SLC22A12: variants seen among roughly 807,000 people sequenced by gnomAD.
SLC22A12 encodes the protein organic anion transporter 4-like protein.
A neutral mutation model predicts 52.7 loss-of-function variants in SLC22A12; 56 were observed. The ratio of observed to expected loss-of-function variants is 1.06; its 90% CI spans 0.86 to 1.33. The LOEUF (loss-of-function observed/expected upper bound fraction) is 1.33, where lower values mean the gene tolerates loss of function less well. Among genes scored for constraint, SLC22A12 ranks in the 40% most tolerant of loss-of-function variants. The probability of loss-of-function intolerance (pLI) is 0.00; values close to 1 mark genes in which losing one functional copy is unlikely to be tolerated. For missense variants in SLC22A12, 683 were observed against 741.5 expected (o/e 0.92, Z 0.92); for synonymous variants, 337 against 324.6 (o/e 1.04, Z -0.41).
Position 64,591,232 on chromosome 11 carries a change from A to G in SLC22A12, c.-325A>G. Reference sequence around the variant, plus strand: ...ACACTTTAATTCCAGTCTAAAATTAAAGTCTTCAGTCTCCACATTCCCTAC... The same window carrying G: ...ACACTTTAATTCCAGTCTAAAATTAGAGTCTTCAGTCTCCACATTCCCTAC... On this transcript the variant is annotated 5_prime_UTR_variant, in exon 1 of 10. Transcript: ENST00000377574. The G allele has an allele frequency of 2.7e-6, 1 of 374,954 alleles. No homozygotes were observed. The highest frequency in any genetic ancestry group is 4.9e-6 in the Non-Finnish European group (1 of 204,832). The allele number at this position is 374,954 out of a possible 1,614,324, so 23.2% of individuals were successfully genotyped here. A position where few individuals can be genotyped will look rare whatever the true frequency, so the allele number is the denominator to read the frequency against.
chr11:64,591,311 T>C lies in SLC22A12; in HGVS notation c.-246T>C, dbSNP rs1286251923. Reference sequence around the variant, plus strand: ...TGGAGCAGCTGCCTCTCTGGGGAGATGCTGGAGGTCTCGGAATCACCTCAC... The same window carrying C: ...TGGAGCAGCTGCCTCTCTGGGGAGACGCTGGAGGTCTCGGAATCACCTCAC... On this transcript the variant is annotated 5_prime_UTR_variant, in exon 1 of 10. An upstream start codon of the reference 5' UTR is lost. Transcript: ENST00000377574. 1 of 569,938 alleles carries C rather than the reference T, an allele frequency of 1.8e-6. No individual in the cohort carries two copies. Among genetic ancestry groups the C allele is most frequent in the Non-Finnish European group, 3.1e-6 (1 of 321,296 alleles). 35.3% of individuals were successfully genotyped at this position (569,938 alleles called of 1,614,324 possible). A position where few individuals can be genotyped will look rare whatever the true frequency, so the allele number is the denominator to read the frequency against.
intron 4 of SLC22A12, among the ~76,000 whole-genome samples, chr11:64,594,606 T>C (rs143164439): frequency 2.0e-5 from 3 of 152,228 alleles, no homozygotes; most frequent in Non-Finnish European, 4.4e-5. Context: ...GATAGATGGA[T>C]TGGATTGTAT....
chr11:64,598,816 T>G lies in SLC22A12; in HGVS notation c.963T>G (p.Leu321=). The change falls in exon 6 of 10, where the codon CTT becomes CTG. Residue 321 remains leucine (L), a synonymous_variant. Coordinates refer to ENST00000377574, the MANE Select transcript of SLC22A12 (RefSeq NM_144585.4). The part of the protein sequence containing the change: ...VQDTLTPEVL[L]SAMREELSMG... Reference sequence around the variant, plus strand: ...CACCCCCGCCTCCACAGGTCTTGCTTTCAGCCATGCGGGAGGAGCTGAGCA... The same window carrying G: ...CACCCCCGCCTCCACAGGTCTTGCTGTCAGCCATGCGGGAGGAGCTGAGCA... The G allele has an allele frequency of 6.2e-7, 1 of 1,612,544 alleles. No individual in the cohort carries two copies. Among genetic ancestry groups the G allele is most frequent in the Non-Finnish European group, 8.5e-7 (1 of 1,179,964 alleles).
chr11:64,595,520 T>C (rs1400451230), intron 4 of SLC22A12, among the ~76,000 whole-genome samples: 2 of 18,858 alleles, frequency 1.1e-4, no homozygotes, highest in East Asian at 1.3e-3. Context: ...TTGGAATGAA[T>C]GGATGGATGG....
chr11:64,599,890 G>T lies in SLC22A12; in HGVS notation c.1285G>T (p.Glu429Ter). The change falls in exon 7 of 10, where the codon GAA becomes TAA. Residue 429 changes from glutamate to a stop codon, truncating the protein, a stop_gained and splice_region_variant. Coordinates refer to ENST00000377574, the MANE Select transcript of SLC22A12 (RefSeq NM_144585.4). LOFTEE classifies it high-confidence loss of function. ...TCTGGCCAACACGCTGGTGCCCCAC[G>T]GTGAGGGGGCAAAGCTGTACACCAG... ...CILANTLVPH[E>*]MGALRSALAV... 6.2e-7 allele frequency: 1 copy of T among 1,612,124 alleles called. No homozygotes were observed. The highest frequency in any genetic ancestry group is 2.2e-5 in the East Asian group (1 of 44,834).
chr11:64,596,474 C>A (rs912894231), intron 4 of SLC22A12, among the ~76,000 whole-genome samples: 6 of 152,100 alleles, frequency 3.9e-5, no homozygotes, highest in East Asian at 1.9e-4. Flanking sequence ...TGGACGGAGG[C>A]CATTTGAGGG....
Position 64,599,788 on chromosome 11 carries a change from G to A in SLC22A12, c.1183G>A (p.Gly395Ser), listed in dbSNP as rs781358659. ...IGVVDIPAKM[G>S]ALLLLSHLGR... ...TGTCGTGGACATCCCAGCCAAGATG[G>A]GCGCCCTGCTGCTGCTGAGCCACCT... The change falls in exon 7 of 10, where the codon GGC becomes AGC. Residue 395 changes from glycine to serine, a missense_variant. Gly to Ser is a moderately conservative substitution (Grantham distance 56). Coordinates refer to ENST00000377574, the MANE Select transcript of SLC22A12 (RefSeq NM_144585.4). 7.6e-5 allele frequency: 123 copies of A among 1,612,850 alleles called. 1 individual carries two copies. The South Asian group carries it at 1.1e-3, about 14-fold the overall frequency.
chr11:64,594,433 C>T (rs1383373909), intron 4 of SLC22A12, among the ~76,000 whole-genome samples: 1 of 152,134 alleles, frequency 6.6e-6, no homozygotes, highest in African/African-American at 2.4e-5. Context: ...ATAGTAGGTG[C>T]TAAATAAATA....
chr11:64,595,254 A>G (rs1453503791), intron 4 of SLC22A12, among the ~76,000 whole-genome samples: 5 of 28,732 alleles, frequency 1.7e-4, no homozygotes, highest in Admixed American at 4.3e-4. Flanking sequence ...GGATGGATGG[A>G]ATGGATGGAT....
intron 4 of SLC22A12, among the ~76,000 whole-genome samples, chr11:64,595,015 A>T (rs1404419721): frequency 1.0e-5 from 1 of 98,066 alleles, no homozygotes; most frequent in African/African-American, 3.5e-5. Context: ...GGATGGATGG[A>T]TGGATGGTTG....
intron 4 of SLC22A12, among the ~76,000 whole-genome samples, chr11:64,595,326 GATGGATGGTTGA>G: frequency 7.9e-6 from 1 of 127,244 alleles, no homozygotes; most frequent in African/African-American, 3.0e-5. Flanking sequence ...TGGATGGATG[GATGGATGGTTGA>G]ATGGATGGTT....
At chr11:64,601,017 C>A in intron 9 of SLC22A12, 79 bp downstream of exon 9, 1 of 1,546,770 alleles carries the variant, frequency 6.5e-7, no homozygotes, top group Non-Finnish European at 8.8e-7. Flanking sequence ...CACCCATCCC[C>A]ATCACTTGAC....
In SLC22A12 at chr11:64,592,781, G is replaced by T; in HGVS notation, c.405G>T (p.Trp135Cys). The T allele has an allele frequency of 6.2e-7, 1 of 1,613,234 alleles. No homozygotes were observed. The highest frequency in any genetic ancestry group is 1.1e-5 in the South Asian group (1 of 91,036). The change falls in exon 2 of 10, where the codon TGG (tryptophan) becomes TGT (cysteine). Residue 135 changes from tryptophan to cysteine, a missense_variant and splice_region_variant. Physicochemically the swap from Trp to Cys is radical, Grantham distance 215 (BLOSUM62 -2). Coordinates refer to ENST00000377574, the MANE Select transcript of SLC22A12 (RefSeq NM_144585.4). ...TCAGCCTCCTCCTCTCCCATCAGTGGAACCTCGTGTGTGACTCTCATGCTC... is the reference window on the plus strand; with the variant it reads ...TCAGCCTCCTCCTCTCCCATCAGTGTAACCTCGTGTGTGACTCTCATGCTC... ...SIFTSTIVAK[W>C]NLVCDSHALK... is the part of the protein sequence containing the mutation.
intron 4 of SLC22A12, among the ~76,000 whole-genome samples, chr11:64,596,811 T>TA (rs1224430011): frequency 6.6e-6 from 1 of 152,130 alleles, no homozygotes; most frequent in East Asian, 1.9e-4. Flanking sequence ...AGGTCAGTGA[T>TA]AAAAATTCCA....
Position 64,591,598 on chromosome 11 carries a change from C to A in SLC22A12, c.42C>A (p.Gly14=), listed in dbSNP as rs1234592372. 1 of 1,613,102 alleles carries A rather than the reference C, an allele frequency of 6.2e-7. No homozygotes were observed. The highest frequency in any genetic ancestry group is 1.7e-5 in the Admixed American group (1 of 60,030). ...SELLDLVGGL[G]RFQVLQTMAL... ...TCCTGGACCTCGTGGGTGGCCTGGG[C>A]AGGTTCCAGGTTCTCCAGACGATGG... The change falls in exon 1 of 10, where the codon GGC becomes GGA. Residue 14 remains glycine, a synonymous_variant. Transcript: ENST00000377574.
At chr11:64,592,540 C>T (rs1489927934) in intron 1 of SLC22A12, among the ~76,000 whole-genome samples, 1 of 152,128 alleles carries the variant, frequency 6.6e-6, no homozygotes, top group Non-Finnish European at 1.5e-5. Context: ...GCTAGAGACC[C>T]ATTGGGCAAT....
chr11:64,591,225 A>G lies in SLC22A12; in HGVS notation c.-332A>G, dbSNP rs886048450. 2.8e-6 allele frequency: 1 copy of G among 353,420 alleles called. No homozygotes were observed. The highest frequency in any genetic ancestry group is 5.2e-6 in the Non-Finnish European group (1 of 191,290). 21.9% of individuals were successfully genotyped at this position (353,420 alleles called of 1,614,324 possible). On this transcript the variant is annotated 5_prime_UTR_variant, in exon 1 of 10. Transcript: ENST00000377574. ...ACCGGTCACACTTTAATTCCAGTCTAAAATTAAAGTCTTCAGTCTCCACAT... is the reference window on the plus strand; with the variant it reads ...ACCGGTCACACTTTAATTCCAGTCTGAAATTAAAGTCTTCAGTCTCCACAT...
At chr11:64,601,455 C>A in intron 9 of SLC22A12, 33 bp from the exon 10 acceptor site, 1 of 1,610,198 alleles carries the variant, frequency 6.2e-7, no homozygotes, top group Non-Finnish European at 8.5e-7. Flanking sequence ...CACTCCGCAC[C>A]CCAAGACACA....
chr11:64,597,081 G>T (rs973954265), intron 4 of SLC22A12, among the ~76,000 whole-genome samples: 1 of 152,192 alleles, frequency 6.6e-6, no homozygotes, highest in African/African-American at 2.4e-5. Context: ...CTTAGGGCTT[G>T]ACGAACAACC....
Sources: gnomAD v4.1 joint callset for allele counts (sites outside exome capture counted in the v4.1 genomes callset) on GRCh38, gnomAD v4.1.1 for gene constraint, MANE v1.5 for transcripts, NCBI Gene and HGNC (gene_info 2026-07-23, HGNC 2026-07-21) for gene names.